The following TMEM132C variants were observed in gnomAD, a reference collection of about 807,000 sequenced individuals.
The protein encoded by TMEM132C is transmembrane protein 132C.
In TMEM132C, 29 loss-of-function variants were observed where a neutral mutation model predicts 61.4. The ratio of observed to expected loss-of-function variants is 0.47; its 90% CI spans 0.35 to 0.64. TMEM132C has a LOEUF of 0.64. Ranked by LOEUF, TMEM132C falls within the 30% of genes least tolerant of loss-of-function variation. The pLI, the probability that TMEM132C is intolerant of heterozygous loss-of-function variation, is 0.00. For synonymous variants in TMEM132C, 656 were observed against 633.1 expected (o/e 1.04, Z -0.54); for missense variants, 1,408 against 1,476.9 (o/e 0.95, Z 0.76).
intron 3 of TMEM132C, among the ~76,000 whole-genome samples, chr12:128,593,151 C>T (rs972932963): frequency 6.6e-6 from 1 of 150,756 alleles, no homozygotes; most frequent in Non-Finnish European, 1.5e-5. Context: ...TTCCCTCTCT[C>T]CTCTCTCCTT....
chr12:128,591,276 G>T (rs61938638), intron 3 of TMEM132C, among the ~76,000 whole-genome samples: 1 of 150,794 alleles, frequency 6.6e-6, no homozygotes, highest in African/African-American at 2.4e-5. Context: ...ACCCCTCCCC[G>T]CCTCCCCCAG....
chr12:128,639,646 C>T (rs2135598864), intron 4 of TMEM132C, among the ~76,000 whole-genome samples: 1 of 152,246 alleles, frequency 6.6e-6, no homozygotes, highest in South Asian at 2.1e-4. Context: ...AGGTGGACAG[C>T]CATAATATGT....
chr12:128,441,304 A>G (rs920955848), intron 2 of TMEM132C, among the ~76,000 whole-genome samples: 1 of 152,060 alleles, frequency 6.6e-6, no homozygotes, highest in African/African-American at 2.4e-5. Context: ...CATAGTACCC[A>G]CCTGACTGAC....
intron 3 of TMEM132C, among the ~76,000 whole-genome samples, 187 bp downstream of exon 3, chr12:128,544,290 G>A (rs1309684024): frequency 6.6e-6 from 1 of 152,238 alleles, no homozygotes; most frequent in African/African-American, 2.4e-5. Context: ...GGGCGGGGTG[G>A]GGCGCTCGCT....
chr12:128,706,396 C>T lies in TMEM132C; in HGVS notation c.*101C>T. 1 of 1,396,548 alleles carries T rather than the reference C, an allele frequency of 7.2e-7. No individual in the cohort carries two copies. Among genetic ancestry groups the T allele is most frequent in the Non-Finnish European group, 9.4e-7 (1 of 1,064,924 alleles). The allele number at this position is 1,396,548 out of a possible 1,614,324, so 86.5% of individuals were successfully genotyped here. Reference sequence around the variant, plus strand: ...GTCAGTGGGGTTAAGAAGGGACGGTCCCAGGGTCCATGCTAGACCAGTTGG... The same window carrying T: ...GTCAGTGGGGTTAAGAAGGGACGGTTCCAGGGTCCATGCTAGACCAGTTGG... On this transcript the variant is annotated 3_prime_UTR_variant, in exon 9 of 9. Coordinates refer to ENST00000435159, the MANE Select transcript of TMEM132C (RefSeq NM_001136103.3).
chr12:128,676,692 G>A (rs1954591358), intron 5 of TMEM132C, among the ~76,000 whole-genome samples: 1 of 151,844 alleles, frequency 6.6e-6, no homozygotes, highest in Admixed American at 6.6e-5. Context: ...ACACACATGT[G>A]TCTACACAAT....
rs559356284 is a variant in TMEM132C at position 128,693,927 on chromosome 12, C to T, written c.1548C>T (p.Pro516=). The T allele has an allele frequency of 2.6e-6, 4 of 1,551,786 alleles. No individual in the cohort carries two copies. Among genetic ancestry groups the T allele is most frequent in the Non-Finnish European group, 3.5e-6 (4 of 1,147,030 alleles). The change falls in exon 6 of 9, where the codon CCC becomes CCT. Residue 516 remains proline (P), a synonymous_variant. Coordinates refer to ENST00000435159, the MANE Select transcript of TMEM132C (RefSeq NM_001136103.3). Reference sequence around the variant, plus strand: ...TCACATACCAGTACCTGAGCGCCCCCCTGTGTGTCACCGTGTGGGTGCCCC... The same window carrying T: ...TCACATACCAGTACCTGAGCGCCCCTCTGTGTGTCACCGTGTGGGTGCCCC... The part of the protein sequence containing the change: ...VNFTYQYLSA[P]LCVTVWVPRL...
chr12:128,321,930 G>A (rs1872347747), intron 1 of TMEM132C, among the ~76,000 whole-genome samples: 1 of 152,204 alleles, frequency 6.6e-6, no homozygotes, highest in Admixed American at 6.5e-5. Flanking sequence ...GAGACCCTAA[G>A]GCTTGTGTGG....
intron 2 of TMEM132C, among the ~76,000 whole-genome samples, chr12:128,507,208 C>T (rs1376712689): frequency 2.0e-5 from 3 of 152,128 alleles, no homozygotes; most frequent in South Asian, 2.1e-4. Flanking sequence ...CCCGGGTGAC[C>T]GCTGTTCCTG....
At chr12:128,269,347 C>CGTGTGTGTGT (rs58843737) in intron 1 of TMEM132C, among the ~76,000 whole-genome samples, 9,060 of 143,034 alleles carry the variant, frequency 0.063, 332 homozygotes, top group Middle Eastern at 0.077. Context: ...GCTCACATTC[C>CGTGTGTGTGT]GTGTGTGTGT....
Position 128,415,409 on chromosome 12 carries a change from G to C in TMEM132C, c.763G>C (p.Gly255Arg), listed in dbSNP as rs1461747395. 52 of 1,551,372 alleles carry C rather than the reference G, an allele frequency of 3.4e-5. No homozygotes were observed. Among genetic ancestry groups the C allele is most frequent in the Non-Finnish European group, 4.5e-5 (52 of 1,146,746 alleles). Residue 255 changes from glycine to arginine, a missense_variant, in exon 2 of 9, where the codon GGA becomes CGA. Gly to Arg is a moderately radical substitution (Grantham distance 125). Transcript: ENST00000435159. This position sits in a 1 kb window ranked among gnomAD's most constrained non-coding sequence, Gnocchi z 5.8. ...DFRKGNAIRP[G>R]KDGLEETTSH... The stretch of plus-strand genomic sequence containing the variant: ...CAGGAAGGGCAACGCCATCCGTCCA[G>C]GAAAGGATGGGCTGGAGGAAACCAC...
intron 1 of TMEM132C, among the ~76,000 whole-genome samples, chr12:128,276,893 TGCACAC>T (rs1478189876): frequency 2.9e-5 from 2 of 69,188 alleles, no homozygotes; most frequent in African/African-American, 1.6e-4. Context: ...TGTGCGTGCA[TGCACAC>T]ACACACACAC....
intron 4 of TMEM132C, among the ~76,000 whole-genome samples, chr12:128,668,003 T>C (rs11059819): frequency 0.54 from 82,921 of 152,204 alleles, 24,602 homozygotes; most frequent in African/African-American, 0.81. Context: ...CCAAGCACGG[T>C]GGCCCATGCC....
intron 1 of TMEM132C, among the ~76,000 whole-genome samples, chr12:128,408,451 C>A (rs1024555084): frequency 6.6e-6 from 1 of 152,022 alleles, no homozygotes; most frequent in African/African-American, 2.4e-5. Context: ...CCTTGGCTCA[C>A]AACCTTCTCC....
intron 1 of TMEM132C, among the ~76,000 whole-genome samples, chr12:128,390,203 C>T (rs55698857): frequency 0.017 from 2,607 of 152,264 alleles, 24 homozygotes; most frequent in Non-Finnish European, 0.026. Flanking sequence ...TGTAATGGAG[C>T]GCCACAACTT....
rs11059704 is a variant in TMEM132C, at chr12:128,465,329, G to T, written c.974+49709G>T. On this transcript the variant is annotated intron_variant, in intron 2 of 8. Coordinates refer to ENST00000435159, the MANE Select transcript of TMEM132C (RefSeq NM_001136103.3). ...TTCTCCTGACTCAGCCTCCCGAGTA[G>T]CTGGGATTAAAGACGCCTGCCACCA... 2.3e-3 allele frequency among the ~76,000 whole-genome samples: 346 copies of T among 151,994 alleles called. 3 individuals carry two copies. The highest frequency in any genetic ancestry group is 8.1e-3 in the African/African-American group (336 of 41,448).
chr12:128,338,778 T>TATATATATATATATATATATATA (rs1565905372), intron 1 of TMEM132C, among the ~76,000 whole-genome samples: 4 of 129,434 alleles, frequency 3.1e-5, no homozygotes, highest in African/African-American at 1.7e-4. Context: ...ATATATATAT[T>TATATATATATATATATATATATA]TTGCACAAAG....
intron 1 of TMEM132C, among the ~76,000 whole-genome samples, chr12:128,392,074 CT>C (rs1874785659): frequency 6.9e-6 from 1 of 144,808 alleles, no homozygotes; most frequent in Non-Finnish European, 1.5e-5. Context: ...TTCTCTCTCT[CT>C]CTCTCTCTCT....
At chr12:128,375,670 A>G (rs934841306) in intron 1 of TMEM132C, among the ~76,000 whole-genome samples, 1 of 152,180 alleles carries the variant, frequency 6.6e-6, no homozygotes, top group Non-Finnish European at 1.5e-5. Flanking sequence ...AATAAGATCA[A>G]TTCATAAGTG....
Sources: allele counts gnomAD v4.1 joint callset (sites outside exome capture counted in the v4.1 genomes callset), GRCh38; gene constraint gnomAD v4.1.1; non-coding constraint Gnocchi (gnomAD v3.1); transcripts MANE v1.5; gene names NCBI Gene and HGNC (gene_info 2026-07-23, HGNC 2026-07-21).